The following AGBL1 variants were observed in gnomAD, a reference collection of about 807,000 sequenced individuals.
AGBL1 encodes the protein cytosolic carboxypeptidase 4.
A neutral mutation model predicts 118.9 loss-of-function variants in AGBL1; 130 were observed. The observed-to-expected ratio is 1.09, with a 90% CI of 0.95 to 1.26. The LOEUF (loss-of-function observed/expected upper bound fraction) is 1.26. Among genes scored for constraint, AGBL1 ranks in the 50% most tolerant of loss-of-function variants. The probability of loss-of-function intolerance (pLI) is 0.00; values close to 1 mark genes in which losing one functional copy is unlikely to be tolerated. For missense variants in AGBL1, 1,584 were observed against 1,298.1 expected (o/e 1.22, Z -3.38); for synonymous variants, 555 against 478.9 (o/e 1.16, Z -2.08).
At chr15:86,963,304 T>C (rs954813534) in intron 23 of AGBL1, among the ~76,000 whole-genome samples, 5 of 152,062 alleles carry the variant, frequency 3.3e-5, no homozygotes, top group African/African-American at 1.2e-4. Context: ...AATCCTCAGT[T>C]TACTTACACT....
chr15:86,989,760 G>A (rs550287702), intron 24 of AGBL1, among the ~76,000 whole-genome samples: 3 of 152,308 alleles, frequency 2.0e-5, no homozygotes, highest in African/African-American at 7.2e-5. Context: ...TAAAGAAGAT[G>A]TTTAAGAATT....
rs986499423 is a variant in AGBL1, at chr15:86,135,960, T to A, written c.52-6044T>A. On this transcript the variant is annotated intron_variant, in intron 1 of 22. Coordinates refer to ENST00000614907, the MANE Select transcript of AGBL1 (RefSeq NM_001386094.1). ...CCAGCTGCCATGGAAGAGGTCCAGG[T>A]ACCTTAAGACTATTATGCTGAAAAA... is the stretch of plus-strand genomic sequence containing the variant. Among the ~76,000 whole-genome samples the A allele has an allele frequency of 1.8e-4, 27 of 152,230 alleles. No individual in the cohort carries two copies. The South Asian group carries it at 2.1e-3, about 12-fold the overall frequency.
At chr15:86,634,688 G>A (rs1015376581) in intron 21 of AGBL1, among the ~76,000 whole-genome samples, 1 of 152,074 alleles carries the variant, frequency 6.6e-6, no homozygotes, top group South Asian at 2.1e-4. Context: ...CTCTAAGAGG[G>A]TGAATTTTAT....
At chr15:86,941,239 C>T (rs969168637) in intron 23 of AGBL1, among the ~76,000 whole-genome samples, 1 of 152,174 alleles carries the variant, frequency 6.6e-6, no homozygotes, top group East Asian at 1.9e-4. Flanking sequence ...TCTTTTCCTC[C>T]ACATTTGAAA....
intron 5 of AGBL1, among the ~76,000 whole-genome samples, chr15:86,216,001 T>C (rs1019631444): frequency 6.6e-6 from 1 of 152,244 alleles, no homozygotes; most frequent in African/African-American, 2.4e-5. Context: ...GGAATTGTAC[T>C]CTTTTTGCTG....
chr15:86,086,054 G>A (rs1895627722), intron 1 of AGBL1, among the ~76,000 whole-genome samples: 1 of 152,232 alleles, frequency 6.6e-6, no homozygotes, highest in African/African-American at 2.4e-5. Flanking sequence ...GATGCAATGA[G>A]GTGCATTGCT....
chr15:86,669,315 T>C (rs989191121), intron 21 of AGBL1, among the ~76,000 whole-genome samples: 1 of 151,986 alleles, frequency 6.6e-6, no homozygotes, highest in African/African-American at 2.4e-5. Flanking sequence ...TTCAATCTAG[T>C]TGAAGAAAGA....
intron 17 of AGBL1, among the ~76,000 whole-genome samples, chr15:86,344,316 A>T (rs1235377584): frequency 6.6e-6 from 1 of 152,110 alleles, no homozygotes; most frequent in Non-Finnish European, 1.5e-5. Flanking sequence ...TTCCTTTGGG[A>T]GGTGAGTATT....
intron 22 of AGBL1, among the ~76,000 whole-genome samples, chr15:86,689,392 G>A (rs976959414): frequency 6.6e-6 from 1 of 152,024 alleles, no homozygotes; most frequent in Non-Finnish European, 1.5e-5. Flanking sequence ...TATAATCCAT[G>A]GGAGAAGGAA....
intron 24 of AGBL1, among the ~76,000 whole-genome samples, chr15:87,024,356 C>T (rs865973843): frequency 6.6e-6 from 1 of 151,924 alleles, no homozygotes; most frequent in South Asian, 2.1e-4. Context: ...AACATCTTTA[C>T]ATGCATAAAT....
At chr15:86,632,630 G>GT (rs61180689) in intron 21 of AGBL1, among the ~76,000 whole-genome samples, 12,147 of 143,444 alleles carry the variant, frequency 0.085, 567 homozygotes, top group Non-Finnish European at 0.092. Flanking sequence ...ATCTCATCAT[G>GT]TTTTTTTTTT....
chr15:86,643,773 A>G (rs1298970364), intron 21 of AGBL1, among the ~76,000 whole-genome samples: 1 of 152,110 alleles, frequency 6.6e-6, no homozygotes, highest in East Asian at 1.9e-4. Context: ...TTTAATGACA[A>G]AGTATTTAAG....
chr15:86,258,927 G>A (rs1316860197), intron 9 of AGBL1, among the ~76,000 whole-genome samples: 5 of 152,106 alleles, frequency 3.3e-5, no homozygotes, highest in East Asian at 1.9e-4. Flanking sequence ...GGCTGGTCTC[G>A]AACTCTTGAC....
chr15:86,739,019 G>A (rs912307118), intron 22 of AGBL1, among the ~76,000 whole-genome samples: 4 of 152,098 alleles, frequency 2.6e-5, no homozygotes, highest in African/African-American at 9.7e-5. Flanking sequence ...GGTGGTGCAT[G>A]CTTGTAGTCA....
chr15:86,445,560 A>G (rs951450008), intron 18 of AGBL1, among the ~76,000 whole-genome samples: 2 of 152,256 alleles, frequency 1.3e-5, no homozygotes, highest in African/African-American at 2.4e-5. Flanking sequence ...GCCCTGCTCC[A>G]TAGAAAATAA....
intron 24 of AGBL1, among the ~76,000 whole-genome samples, chr15:86,994,508 A>G (rs1353709505): frequency 6.6e-6 from 1 of 152,180 alleles, no homozygotes; most frequent in African/African-American, 2.4e-5. Flanking sequence ...CAAGCCCTAG[A>G]AAGAGGCAAT....
chr15:86,171,376 A>C (rs2141753639), intron 5 of AGBL1, among the ~76,000 whole-genome samples: 1 of 152,306 alleles, frequency 6.6e-6, no homozygotes, highest in African/African-American at 2.4e-5. Context: ...TCAGGAAGAG[A>C]GAAATAAAAG....
chr15:86,173,772 T>C (rs1341675202), intron 5 of AGBL1, among the ~76,000 whole-genome samples: 3 of 152,164 alleles, frequency 2.0e-5, no homozygotes. Context: ...AATATCTTTC[T>C]GGGTTTTCTG....
chr15:87,017,255 C>T (rs1567289229), intron 24 of AGBL1, among the ~76,000 whole-genome samples: 2 of 152,272 alleles, frequency 1.3e-5, no homozygotes, highest in South Asian at 2.1e-4. Context: ...TCCCCCACAA[C>T]ACAGCACAAT....
Sources: allele counts gnomAD v4.1 joint callset (sites outside exome capture counted in the v4.1 genomes callset), GRCh38; gene constraint gnomAD v4.1.1; transcripts MANE v1.5; gene names NCBI Gene and HGNC (gene_info 2026-07-23, HGNC 2026-07-21).